Variants in SHANK1 observed in about 807,000 individuals in gnomAD.
The protein encoded by SHANK1 is SH3 and multiple ankyrin repeat domains 1.
Under a neutral mutation model 165.6 loss-of-function variants are expected in SHANK1, and 35 were observed. That is an observed-to-expected ratio of 0.21 (90% CI 0.16 to 0.28). The LOEUF is 0.28. SHANK1 is among the 10% of genes least tolerant of loss of function. The pLI, the probability that SHANK1 is intolerant of heterozygous loss-of-function variation, is 1.00. For missense variants in SHANK1, 2,681 were observed against 3,036.4 expected, an observed-to-expected ratio of 0.88 and a Z score of 2.75; for synonymous variants, 1,428 against 1,384.8, an observed-to-expected ratio of 1.03 and a Z score of -0.69.
intron 15 of SHANK1, among the ~76,000 whole-genome samples, chr19:50,695,259 G>GGGGGCGC (rs1032336473): frequency 9.6e-5 from 14 of 145,978 alleles, no homozygotes; most frequent in Admixed American, 2.0e-4. Context: ...CGGGGGGCGC[G>GGGGGCGC]GGGGCGCGGG....
In SHANK1 at chr19:50,661,150, AG is replaced by A. The variant is rs1205325007; in HGVS notation, c.*814del. Among the ~76,000 whole-genome samples the A allele has an allele frequency of 6.6e-6, 1 of 151,994 alleles. No individual in the cohort carries two copies. Among genetic ancestry groups the A allele is most frequent in the Non-Finnish European group, 1.5e-5 (1 of 68,000 alleles). ...ATGAATGATGTGCATGGAGTCTGTG[AG>A]GGGGAGGGAAAATGTGTCCCAAGTG... On this transcript the variant is annotated 3_prime_UTR_variant, in exon 24 of 24. Transcript: ENST00000293441.
rs1309165673 is a variant in SHANK1, at chr19:50,703,762, G to A, written c.1291C>T (p.Pro431Ser). The A allele has an allele frequency of 1.4e-6, 2 of 1,431,158 alleles. No individual in the cohort carries two copies. The highest frequency in any genetic ancestry group is 2.6e-5 in the East Asian group (1 of 39,070). 88.7% of individuals were successfully genotyped at this position (1,431,158 alleles called of 1,614,324 possible). A position where few individuals can be genotyped will look rare whatever the true frequency, so the allele number is the denominator to read the frequency against. Residue 431 changes from proline to serine, a missense_variant, in exon 11 of 24, where the codon CCC (proline) becomes TCC (serine). Around this residue, in one of 10 missense-constraint regions of SHANK1, gnomAD observed 49 missense variants for 55.6 expected, o/e 0.88. Coordinates refer to ENST00000293441, the MANE Select transcript of SHANK1 (RefSeq NM_016148.5). ...CTGTTGGCCCGCAGCAGCGCCGGGG[G>A]CACCGTCAGCCCTGTGCCTGGGGGC... The part of the protein sequence containing the change: ...RGPPGTGLTV[P>S]PALLRANSDT...
At position 50,688,952 on chromosome 19, in the gene SHANK1, C is replaced by T. The variant is rs891246612; in HGVS notation, c.2064G>A (p.Glu688=). 3 of 1,551,530 alleles carry T rather than the reference C, an allele frequency of 1.9e-6. No individual in the cohort carries two copies. The African/African-American group carries it at 4.1e-5, about 21-fold the overall frequency. ...LRGAKAQTPI[E]EFTPTPAFPA... ...GGAAGGCCGGGGTGGGGGTGAACTC[C>T]TCGATGGGGGTCTGCGCTGCAGACA... The change falls in exon 17 of 24, where the codon GAG becomes GAA. Residue 688 remains glutamate, a synonymous_variant. Coordinates refer to ENST00000293441, the MANE Select transcript of SHANK1 (RefSeq NM_016148.5). This position sits in a 1 kb window ranked among gnomAD's most constrained non-coding sequence, Gnocchi z 6.7.
Position 50,688,171 on chromosome 19 carries a change from G to C in SHANK1, c.2173-113C>G. 2.3e-6 allele frequency: 3 copies of C among 1,313,172 alleles called. No homozygotes were observed. The highest frequency in any genetic ancestry group is 3.2e-6 in the Non-Finnish European group (3 of 939,790). 81.3% of individuals were successfully genotyped at this position (1,313,172 alleles called of 1,614,324 possible). On this transcript the variant is annotated intron_variant, in intron 17 of 23. Coordinates refer to ENST00000293441, the MANE Select transcript of SHANK1 (RefSeq NM_016148.5). The surrounding 1 kb of genome is among the most constrained non-coding windows in gnomAD (Gnocchi z 6.7). ...CGCTGCCCTGTCCATGGCCCTCTGGGCTATGTTCCTCTCCCTCCGACCCTT... is the reference window on the plus strand; with the variant it reads ...CGCTGCCCTGTCCATGGCCCTCTGGCCTATGTTCCTCTCCCTCCGACCCTT...
rs1392929676 is a variant in SHANK1 at position 50,687,592 on chromosome 19, C to T, written c.2379G>A (p.Leu793=). Residue 793 remains leucine (L), a synonymous_variant, in exon 19 of 24, where the codon CTG becomes CTA. Coordinates refer to ENST00000293441, the MANE Select transcript of SHANK1 (RefSeq NM_016148.5). Reference sequence around the variant, plus strand: ...GCCCCGCAGGCTCACCCATCTCCTCCAGCTCTGAGGTCATAGATTTGGAAC... The same window carrying T: ...GCCCCGCAGGCTCACCCATCTCCTCTAGCTCTGAGGTCATAGATTTGGAAC... ...SLRSKSMTSE[L]EEMEYEQQPA... 2 of 1,547,982 alleles carry T rather than the reference C, an allele frequency of 1.3e-6. No homozygotes were observed. The highest frequency in any genetic ancestry group is 2.0e-5 in the Admixed American group (1 of 50,256).
Position 50,691,855 on chromosome 19 carries a change from T to A in SHANK1, c.1965-2576A>T, listed in dbSNP as rs1599858062. Among the ~76,000 whole-genome samples, 3 of 115,072 alleles carry A rather than the reference T, an allele frequency of 2.6e-5. No homozygotes were observed. In the South Asian group the frequency reaches 7.5e-4, roughly 29 times the overall value. The allele number at this position is 115,072 out of a possible 152,430, so 75.5% of individuals were successfully genotyped here. On this transcript the variant is annotated intron_variant, in intron 15 of 23. Coordinates refer to ENST00000293441, the MANE Select transcript of SHANK1 (RefSeq NM_016148.5). ...CCATGGCCAACTAATTAAAAAAATC[T>A]TTTTTTTTGGTAGAGATGGGGGTCT...
intron 15 of SHANK1, among the ~76,000 whole-genome samples, chr19:50,693,695 C>A (rs1986621167): frequency 6.6e-6 from 1 of 152,116 alleles, no homozygotes; most frequent in South Asian, 2.1e-4. Flanking sequence ...CCATGGCCTG[C>A]CCAGAGGCCA....
chr19:50,685,905 A>C (rs1986316910), intron 21 of SHANK1, among the ~76,000 whole-genome samples: 1 of 152,010 alleles, frequency 6.6e-6, no homozygotes, highest in Non-Finnish European at 1.5e-5. Context: ...TATGCCGGGG[A>C]ATCTCCATCC....
At chr19:50,714,116 G>T (rs2089041431) in intron 5 of SHANK1, 66 bp downstream of exon 5, 10 of 1,550,744 alleles carry the variant, frequency 6.4e-6, no homozygotes, top group Non-Finnish European at 8.9e-6. Flanking sequence ...TGTGAATGCA[G>T]ATGGCACCCC....
At chr19:50,710,403 C>A (rs913000647) in intron 8 of SHANK1, among the ~76,000 whole-genome samples, 5 of 152,200 alleles carry the variant, frequency 3.3e-5, no homozygotes, top group African/African-American at 4.8e-5. Flanking sequence ...CCAGCTCTGT[C>A]ATGCTAGCGC....
rs1278782400 is a variant in SHANK1 at position 50,718,546 on chromosome 19, G to A, written c.-44+860C>T. Among the ~76,000 whole-genome samples, 1 of 152,176 alleles carries A rather than the reference G, an allele frequency of 6.6e-6. No homozygotes were observed. Among genetic ancestry groups the A allele is most frequent in the Admixed American group, 6.5e-5 (1 of 15,286 alleles). ...GGGAGGGAGCGGGCACGCTCCGCCG[G>A]GGCGGCATGAATCAAACGCTCCGCG... On this transcript the variant is annotated intron_variant, in intron 1 of 23. Transcript: ENST00000293441. This position sits in a 1 kb window ranked among gnomAD's most constrained non-coding sequence, Gnocchi z 5.1.
chr19:50,660,240 C>T lies in SHANK1; in HGVS notation c.*1725G>A, dbSNP rs190722401. Among the ~76,000 whole-genome samples the T allele has an allele frequency of 6.6e-6, 1 of 151,964 alleles. No individual in the cohort carries two copies. Among genetic ancestry groups the T allele is most frequent in the Non-Finnish European group, 1.5e-5 (1 of 67,984 alleles). On this transcript the variant is annotated 3_prime_UTR_variant, in exon 24 of 24. Transcript: ENST00000293441. ...GGAATAAGCGGAGAGAGGAAGCGTGCGGGAAGGAACAGCCATGCTGGAGGG... is the reference window on the plus strand; with the variant it reads ...GGAATAAGCGGAGAGAGGAAGCGTGTGGGAAGGAACAGCCATGCTGGAGGG...
At chr19:50,707,281 A>C (rs985606234) in intron 8 of SHANK1, among the ~76,000 whole-genome samples, 1 of 152,200 alleles carries the variant, frequency 6.6e-6, no homozygotes, top group African/African-American at 2.4e-5. Flanking sequence ...TGCTGGACCC[A>C]CAGGGACTAT....
Position 50,712,113 on chromosome 19 carries a change from G to T in SHANK1, c.794C>A (p.Ala265Glu). ...GGGGGAACCCCCAAGGTCCAGGAGC[G>T]CCTAGGAACGGAGAGAGAACCCAGT... is the stretch of plus-strand genomic sequence containing the variant. ...ACARHCLALT[A>E]LLDLGGSPNY... Residue 265 changes from alanine to glutamate, a missense_variant and splice_region_variant, in exon 7 of 24, where the codon GCG becomes GAG. This residue lies in a region of SHANK1 where 189 missense variants were observed against 440.9 expected (regional missense o/e 0.43). Coordinates refer to ENST00000293441, the MANE Select transcript of SHANK1 (RefSeq NM_016148.5). 2.5e-6 allele frequency: 4 copies of T among 1,581,018 alleles called. No homozygotes were observed. The highest frequency in any genetic ancestry group is 3.4e-6 in the Non-Finnish European group (4 of 1,165,972).
At chr19:50,681,330 G>A (rs999421137) in intron 21 of SHANK1, among the ~76,000 whole-genome samples, 2 of 152,190 alleles carry the variant, frequency 1.3e-5, no homozygotes, top group Non-Finnish European at 2.9e-5. Context: ...CGAGGGGGAT[G>A]TACAGGGCAA....
chr19:50,693,908 A>G (rs1388472529), intron 15 of SHANK1, among the ~76,000 whole-genome samples: 1 of 152,102 alleles, frequency 6.6e-6, no homozygotes, highest in Non-Finnish European at 1.5e-5. Context: ...ACAGAGACAC[A>G]GGATGGACCC....
chr19:50,689,148 T>C (rs1169232038), intron 16 of SHANK1, 49 bp downstream of exon 16: 2 of 1,457,190 alleles, frequency 1.4e-6, no homozygotes, highest in African/African-American at 2.8e-5. Flanking sequence ...CAGCCCTGCT[T>C]CTGGGGTCAC....
At chr19:50,687,561 T>C (rs1455468106) in intron 19 of SHANK1, 21 bp downstream of exon 19, 3 of 1,543,076 alleles carry the variant, frequency 1.9e-6, no homozygotes, top group Non-Finnish European at 2.6e-6. Flanking sequence ...CCCCCTGGCC[T>C]CAGCAGCCCC....
Position 50,712,091 on chromosome 19 carries a change from G to A in SHANK1, c.816C>T (p.Ser272=), listed in dbSNP as rs776026622. ...ALTALLDLGG[S]PNYKDRRGLT... is the part of the protein sequence containing the mutation. ...GCCCCCGACGGTCCTTGTAGTTGGGGGAACCCCCAAGGTCCAGGAGCGCCT... is the reference window on the plus strand; with the variant it reads ...GCCCCCGACGGTCCTTGTAGTTGGGAGAACCCCCAAGGTCCAGGAGCGCCT... Residue 272 remains serine, a synonymous_variant, in exon 7 of 24, where the codon TCC becomes TCT. Coordinates refer to ENST00000293441, the MANE Select transcript of SHANK1 (RefSeq NM_016148.5). 8.2e-5 allele frequency: 132 copies of A among 1,604,892 alleles called. 1 individual carries two copies. In the Middle Eastern group the frequency reaches 1.0e-3, roughly 12 times the overall value.
Sources: gnomAD v4.1 joint callset for allele counts (sites outside exome capture counted in the v4.1 genomes callset) on GRCh38, gnomAD v4.1.1 for gene constraint, gnomAD v4.1.1 regional missense constraint, Gnocchi (gnomAD v3.1) non-coding constraint, MANE v1.5 for transcripts, NCBI Gene and HGNC (gene_info 2026-07-23, HGNC 2026-07-21) for gene names.